Variants in MAPKAP1 observed in about 807,000 individuals in gnomAD.
MAPKAP1 encodes the protein MAPK associated protein 1.
In MAPKAP1, 20 loss-of-function variants were observed where a neutral mutation model predicts 65.7. The ratio of observed to expected loss-of-function variants is 0.30; its 90% CI spans 0.21 to 0.44. The LOEUF (loss-of-function observed/expected upper bound fraction) is 0.44, where lower values mean the gene tolerates loss of function less well. Ranked by LOEUF, MAPKAP1 falls within the 20% of genes least tolerant of loss-of-function variation. The pLI is 1.00. For missense variants in MAPKAP1, 423 were observed against 648.0 expected (o/e 0.65, Z 3.77); for synonymous variants, 222 against 244.3 (o/e 0.91, Z 0.85).
intron 10 of MAPKAP1, among the ~76,000 whole-genome samples, chr9:125,448,690 G>A (rs1387307169): frequency 6.6e-6 from 1 of 152,190 alleles, no homozygotes; most frequent in Non-Finnish European, 1.5e-5. Flanking sequence ...GTAAAAAATA[G>A]CTGAGACACT....
chr9:125,462,583 A>T (rs564903958), intron 10 of MAPKAP1, among the ~76,000 whole-genome samples: 1 of 152,336 alleles, frequency 6.6e-6, no homozygotes, highest in African/African-American at 2.4e-5. Context: ...TTGTTTACAT[A>T]AACCCTGAAG....
intron 8 of MAPKAP1, among the ~76,000 whole-genome samples, chr9:125,499,828 T>A (rs1828916506): frequency 6.6e-6 from 1 of 150,766 alleles, no homozygotes; most frequent in Admixed American, 6.6e-5. Flanking sequence ...AAAAGAAAAT[T>A]AAAAAAAAAC....
Position 125,438,166 on chromosome 9 carries a change from A to G in MAPKAP1, c.*721T>C, listed in dbSNP as rs1176912303. 5.1e-6 allele frequency: 2 copies of G among 392,390 alleles called. No individual in the cohort carries two copies. The highest frequency in any genetic ancestry group is 4.5e-6 in the Non-Finnish European group (1 of 222,684). The allele number at this position is 392,390 out of a possible 1,614,324, so 24.3% of individuals were successfully genotyped here. ...CCACCGCCCCTCCTCCTGGCACCCC[A>G]CACTGTCCACGCAGCTCCTGGGCTC... On this transcript the variant is annotated 3_prime_UTR_variant, in exon 12 of 12. Transcript: ENST00000265960.
chr9:125,439,097 C>G lies in MAPKAP1; in HGVS notation c.1444-85G>C. ...ATCGGAGGGGGTGGCAGGGAAGGCC[C>G]TGACCTGGGCCGGGTGCCTCAGGGC... On this transcript the variant is annotated intron_variant, in intron 11 of 11. Coordinates refer to ENST00000265960, the MANE Select transcript of MAPKAP1 (RefSeq NM_001006617.3). The surrounding 1 kb of genome is among the most constrained non-coding windows in gnomAD (Gnocchi z 4.0). 6.5e-7 allele frequency: 1 copy of G among 1,534,514 alleles called. No individual in the cohort carries two copies. The highest frequency in any genetic ancestry group is 8.8e-7 in the Non-Finnish European group (1 of 1,132,296).
intron 6 of MAPKAP1, among the ~76,000 whole-genome samples, chr9:125,555,891 C>T (rs1192778670): frequency 1.3e-5 from 2 of 152,206 alleles, no homozygotes; most frequent in Non-Finnish European, 2.9e-5. Context: ...CTAAACACTA[C>T]CCCTCCTCTG....
At chr9:125,649,409 T>G (rs1833826537) in intron 4 of MAPKAP1, among the ~76,000 whole-genome samples, 1 of 152,216 alleles carries the variant, frequency 6.6e-6, no homozygotes, top group Non-Finnish European at 1.5e-5. Context: ...TCATTTAAAA[T>G]TACTCTCTCG....
chr9:125,554,794 C>CCAAA (rs1491362972), intron 6 of MAPKAP1, among the ~76,000 whole-genome samples: 1 of 65,630 alleles, frequency 1.5e-5, no homozygotes, highest in African/African-American at 6.4e-5. Context: ...AGACACTTAT[C>CCAAA]AAAAAAAAAA....
Position 125,664,545 on chromosome 9 carries a change from T to C in MAPKAP1, c.349+5273A>G, listed in dbSNP as rs551002645. ...TTTGAGACCAGCCTGGCCAACATGG[T>C]GAAACCCCGTCTCTACTAAAAATAC... On this transcript the variant is annotated intron_variant, in intron 3 of 11. Transcript: ENST00000265960. Among the ~76,000 whole-genome samples the C allele has an allele frequency of 4.0e-5, 6 of 149,190 alleles. No homozygotes were observed. In the South Asian group the frequency reaches 1.3e-3, roughly 32 times the overall value.
At chr9:125,676,146 A>G (rs550624708) in intron 1 of MAPKAP1, among the ~76,000 whole-genome samples, 233 of 152,324 alleles carry the variant, frequency 1.5e-3, no homozygotes, top group Non-Finnish European at 2.6e-3. Context: ...GGGCACTCTC[A>G]TGCACAATAT....
At chr9:125,679,243 C>G (rs1834748333) in intron 1 of MAPKAP1, among the ~76,000 whole-genome samples, 1 of 150,908 alleles carries the variant, frequency 6.6e-6, no homozygotes, top group Admixed American at 6.6e-5. Context: ...CTCAGGTGAT[C>G]CCCCCACCTC....
intron 10 of MAPKAP1, 47 bp downstream of exon 10, chr9:125,467,925 G>C: frequency 6.2e-7 from 1 of 1,600,518 alleles, no homozygotes; most frequent in Non-Finnish European, 8.5e-7. Flanking sequence ...CAGAAGAGAA[G>C]AGAGGGGAAA....
chr9:125,688,374 G>C (rs557466464), intron 1 of MAPKAP1, among the ~76,000 whole-genome samples: 1 of 152,262 alleles, frequency 6.6e-6, no homozygotes, highest in South Asian at 2.1e-4. Flanking sequence ...CTGAACTCAG[G>C]TGATCTGCCG....
intron 11 of MAPKAP1, among the ~76,000 whole-genome samples, chr9:125,440,382 C>T (rs1290460983): frequency 6.6e-6 from 1 of 152,236 alleles, no homozygotes; most frequent in Non-Finnish European, 1.5e-5. Context: ...AGCCTCTCAC[C>T]TCCTCTGCTC....
chr9:125,453,343 G>A (rs956460833), intron 10 of MAPKAP1, among the ~76,000 whole-genome samples: 2 of 152,268 alleles, frequency 1.3e-5, no homozygotes, highest in Non-Finnish European at 2.9e-5. Flanking sequence ...TGGGATTACA[G>A]GCGTGAGCCT....
At chr9:125,490,502 G>A (rs1446932166) in intron 8 of MAPKAP1, among the ~76,000 whole-genome samples, 2 of 152,096 alleles carry the variant, frequency 1.3e-5, no homozygotes, top group African/African-American at 4.8e-5. Context: ...TTGCGCCACT[G>A]CACTCCAGCC....
intron 9 of MAPKAP1, among the ~76,000 whole-genome samples, chr9:125,473,778 G>A (rs1854009917): frequency 6.6e-6 from 1 of 152,180 alleles, no homozygotes; most frequent in Admixed American, 6.5e-5. Flanking sequence ...TAATCAGGAA[G>A]GCACTATTAG....
intron 1 of MAPKAP1, among the ~76,000 whole-genome samples, chr9:125,685,818 T>C (rs1238265678): frequency 2.6e-5 from 4 of 152,192 alleles, no homozygotes; most frequent in African/African-American, 4.8e-5. Flanking sequence ...CAGGTGCATC[T>C]TTCTTGTTCC....
In MAPKAP1 at chr9:125,438,938, G is replaced by A; in HGVS notation, c.1518C>T (p.Asn506=). The A allele has an allele frequency of 1.9e-6, 3 of 1,614,256 alleles. No homozygotes were observed. Among genetic ancestry groups the A allele is most frequent in the Non-Finnish European group, 2.5e-6 (3 of 1,180,034 alleles). Residue 506 remains asparagine, a synonymous_variant, in exon 12 of 12, where the codon AAC becomes AAT. Coordinates refer to ENST00000265960, the MANE Select transcript of MAPKAP1 (RefSeq NM_001006617.3). Reference sequence around the variant, plus strand: ...TCTGGAAGCTGAAGCTCGTACGTCTGTTCAGTTTTCTTTGTTTTTGAGCAA... The same window carrying A: ...TCTGGAAGCTGAAGCTCGTACGTCTATTCAGTTTTCTTTGTTTTTGAGCAA... The part of the protein sequence containing the change: ...DYFAQKQRKL[N]RRTSFSFQKE...
intron 7 of MAPKAP1, among the ~76,000 whole-genome samples, chr9:125,530,981 A>G (rs1417121332): frequency 6.6e-6 from 1 of 152,234 alleles, no homozygotes; most frequent in Non-Finnish European, 1.5e-5. Context: ...CAAGATAGGT[A>G]TTATTACCTC....
Sources: allele counts gnomAD v4.1 joint callset (sites outside exome capture counted in the v4.1 genomes callset), GRCh38; gene constraint gnomAD v4.1.1; non-coding constraint Gnocchi (gnomAD v3.1); transcripts MANE v1.5; gene names NCBI Gene and HGNC (gene_info 2026-07-23, HGNC 2026-07-21).